The following IL13RA2 variants were observed in gnomAD, a reference collection of about 807,000 sequenced individuals.
The protein encoded by IL13RA2 is interleukin-13 receptor subunit alpha-2.
A neutral mutation model predicts 34.1 loss-of-function variants in IL13RA2; 25 were observed. The ratio of observed to expected loss-of-function variants is 0.73; its 90% CI spans 0.53 to 1.03. IL13RA2 has a LOEUF of 1.03. IL13RA2 is among the 50% of genes least tolerant of loss of function. The pLI is 0.00. For synonymous variants in IL13RA2, 106 were observed against 100.4 expected, an observed-to-expected ratio of 1.06 and a Z score of -0.33; for missense variants, 297 against 280.9, an observed-to-expected ratio of 1.06 and a Z score of -0.41.
At chrX:115,009,974 A>G (rs1556508514) in intron 6 of IL13RA2, among the ~76,000 whole-genome samples, 1 of 112,026 alleles carries the variant, frequency 8.9e-6, no homozygotes, top group Non-Finnish European at 1.9e-5. Context: ...AGAAATAACA[A>G]CCACAATCAA....
Position 115,007,961 on chromosome X carries a change from C to G in IL13RA2, c.968G>C (p.Ser323Thr), listed in dbSNP as rs1176275772. 8.8e-7 allele frequency: 1 copy of G among 1,135,184 alleles called. No individual in the cohort carries two copies. The highest frequency in any genetic ancestry group is 1.2e-6 in the Non-Finnish European group (1 of 827,592). 93.6% of individuals were successfully genotyped at this position (1,135,184 alleles called of 1,213,427 possible). ...CCAGCATTGTTTATCACTCCACTCA[C>G]TCCAAATTCCGTCATCTGAGCAATA... ...NIYCSDDGIWSEWSDKQCWEG... is the reference protein window; with the variant it reads ...NIYCSDDGIWTEWSDKQCWEG... The change falls in exon 8 of 10, where the codon AGT becomes ACT. Residue 323 changes from serine (S) to threonine (T), a missense_variant. Coordinates refer to ENST00000243213, the MANE Select transcript of IL13RA2 (RefSeq NM_000640.3).
intron 5 of IL13RA2, among the ~76,000 whole-genome samples, chrX:115,011,346 G>A (rs369571564): frequency 1.3e-4 from 15 of 111,716 alleles, no homozygotes; most frequent in South Asian, 3.7e-4. Context: ...CCAACTGTAG[G>A]AGGGCAAAAG....
chrX:115,004,324 G>A (rs1288881310), intron 9 of IL13RA2, among the ~76,000 whole-genome samples: 2 of 108,679 alleles, frequency 1.8e-5, no homozygotes, highest in African/African-American at 6.7e-5. Context: ...CACTTTGGGA[G>A]GCCAAAGTGG....
chrX:115,014,282 A>T, intron 4 of IL13RA2, 139 bp downstream of exon 4: 1 of 488,002 alleles, frequency 2.0e-6, no homozygotes. Flanking sequence ...CTAATCACCA[A>T]CTACAAGAAA....
chrX:115,007,045 A>G (rs2071687989), intron 8 of IL13RA2, among the ~76,000 whole-genome samples: 1 of 112,067 alleles, frequency 8.9e-6, no homozygotes, highest in African/African-American at 3.2e-5. Context: ...CCAATTGGAA[A>G]TAAAATGTAA....
intron 4 of IL13RA2, 79 bp downstream of exon 4, chrX:115,014,342 G>T: frequency 1.4e-6 from 1 of 723,263 alleles, no homozygotes; most frequent in South Asian, 3.3e-5. Flanking sequence ...CCTACAGCCT[G>T]GTACATAAGA....
intron 7 of IL13RA2, among the ~76,000 whole-genome samples, chrX:115,008,490 G>A (rs1369323801): frequency 3.6e-5 from 4 of 111,694 alleles, no homozygotes; most frequent in African/African-American, 1.3e-4. Flanking sequence ...GGAAACTATA[G>A]AGTTCACATA....
intron 8 of IL13RA2, among the ~76,000 whole-genome samples, chrX:115,006,235 C>T (rs1345680655): frequency 8.9e-6 from 1 of 112,213 alleles, no homozygotes; most frequent in Non-Finnish European, 1.9e-5. Flanking sequence ...TTTCCCCATA[C>T]AGAGTCAATC....
In IL13RA2 at chrX:115,008,792, C is replaced by T. The variant is rs782454900; in HGVS notation, c.853-716G>A. ...TATAATAGCTTTTCCTTTGGCATAA[C>T]TTATCTTAGGAATCAACATAATGTA... On this transcript the variant is annotated intron_variant, in intron 7 of 9. Transcript: ENST00000243213. Among the ~76,000 whole-genome samples, 39 of 111,900 alleles carry T rather than the reference C, an allele frequency of 3.5e-4. No individual in the cohort carries two copies. The East Asian group carries it at 8.7e-3, about 25-fold the overall frequency.
At chrX:115,016,194 G>A (rs17095930) in intron 2 of IL13RA2, among the ~76,000 whole-genome samples, 1,942 of 111,487 alleles carry the variant, frequency 0.017, 39 homozygotes, top group African/African-American at 0.06. Context: ...GCTGTTTTAC[G>A]GGTGATGCAA....
At position 115,014,488 on chromosome X, in the gene IL13RA2, C is replaced by T. The variant is rs782571891; in HGVS notation, c.333G>A (p.Trp111Ter). 8.4e-7 allele frequency: 1 copy of T among 1,190,556 alleles called. No individual in the cohort carries two copies. Among genetic ancestry groups the T allele is most frequent in the Non-Finnish European group, 1.1e-6 (1 of 879,864 alleles). The part of the protein sequence containing the change: ...IEAKIHTLLP[W>*]QCTNGSEVQS... Reference sequence around the variant, plus strand: ...GAACTTCTGATCCATTTGTGCATTGCCATGGTAAAAGCGTGTGTATCTTCG... The same window carrying T: ...GAACTTCTGATCCATTTGTGCATTGTCATGGTAAAAGCGTGTGTATCTTCG... The change falls in exon 4 of 10, where the codon TGG becomes TGA. Residue 111 changes from tryptophan to a stop codon, truncating the protein, a stop_gained. Coordinates refer to ENST00000243213, the MANE Select transcript of IL13RA2 (RefSeq NM_000640.3). LOFTEE classifies it high-confidence loss of function.
intron 3 of IL13RA2, 78 bp from the exon 4 acceptor site, chrX:115,014,652 A>C: frequency 1.5e-6 from 1 of 661,745 alleles, no homozygotes; most frequent in Non-Finnish European, 2.3e-6. Flanking sequence ...AAGACTAATA[A>C]ATCATTAATA....
Position 115,010,650 on chromosome X carries a change from T to C in IL13RA2, c.700A>G (p.Asn234Asp). The C allele has an allele frequency of 2.2e-6, 2 of 904,455 alleles. No individual in the cohort carries two copies. The highest frequency in any genetic ancestry group is 3.1e-6 in the Non-Finnish European group (2 of 643,752). 74.5% of individuals were successfully genotyped at this position (904,455 alleles called of 1,213,427 possible). A position where few individuals can be genotyped will look rare whatever the true frequency, so the allele number is the denominator to read the frequency against. The change falls in exon 6 of 10, where the codon AAT becomes GAT. Residue 234 changes from asparagine to aspartate, a missense_variant. By Grantham distance (23) the Asn-to-Asp change is conservative. Transcript: ENST00000243213. Reference sequence around the variant, plus strand: ...GTTTGTTGGTTTACATCACCTATATTTTGAAGCTGAAAAGTGAAATAACTG... The same window carrying C: ...GTTTGTTGGTTTACATCACCTATATCTTGAAGCTGAAAAGTGAAATAACTG... ...RSSYFTFQLQ[N>D]IVKPLPPVYL...
intron 3 of IL13RA2, among the ~76,000 whole-genome samples, chrX:115,014,945 T>C: frequency 9.0e-6 from 1 of 111,720 alleles, no homozygotes; most frequent in Non-Finnish European, 1.9e-5. Context: ...ATATGAAACC[T>C]TCAAGAAATA....
chrX:115,007,944 G>T lies in IL13RA2; in HGVS notation c.985C>A (p.Gln329Lys). 1 of 1,122,584 alleles carries T rather than the reference G, an allele frequency of 8.9e-7. No homozygotes were observed. The highest frequency in any genetic ancestry group is 1.2e-6 in the Non-Finnish European group (1 of 817,731). The allele number at this position is 1,122,584 out of a possible 1,213,427, so 92.5% of individuals were successfully genotyped here. A position where few individuals can be genotyped will look rare whatever the true frequency, so the allele number is the denominator to read the frequency against. ...TTTTAGCTCATACCTTCCCAGCATT[G>T]TTTATCACTCCACTCACTCCAAATT... is the stretch of plus-strand genomic sequence containing the variant. ...DGIWSEWSDK[Q>K]CWEGEDLSKK... is the part of the protein sequence containing the mutation. The change falls in exon 8 of 10, where the codon CAA becomes AAA. Residue 329 changes from glutamine to lysine, a missense_variant. By Grantham distance (53) the Gln-to-Lys change is moderately conservative. Transcript: ENST00000243213.
intron 3 of IL13RA2, among the ~76,000 whole-genome samples, chrX:115,015,261 T>G (rs17095057): frequency 0.015 from 1,693 of 111,453 alleles, 36 homozygotes; most frequent in African/African-American, 0.052. Flanking sequence ...ACCATAATCC[T>G]GCGACCCTCT....
chrX:115,017,411 T>C (rs2071732795), intron 1 of IL13RA2, 109 bp from the exon 2 acceptor site: 2 of 446,009 alleles, frequency 4.5e-6, no homozygotes, highest in Non-Finnish European at 7.8e-6. Context: ...TACCAAGAAC[T>C]GGGAAAACTG....
chrX:115,011,527 A>G (rs1485297108), intron 5 of IL13RA2, among the ~76,000 whole-genome samples: 2 of 112,362 alleles, frequency 1.8e-5, no homozygotes, highest in African/African-American at 6.5e-5. Flanking sequence ...TTTCCTAAAG[A>G]ATAGCTTGCA....
At chrX:115,005,514 C>T (rs1556507365) in intron 8 of IL13RA2, among the ~76,000 whole-genome samples, 199 bp from the exon 9 acceptor site, 5 of 112,417 alleles carry the variant, frequency 4.4e-5, no homozygotes, top group Non-Finnish European at 3.8e-5. Flanking sequence ...AAGTACTTTA[C>T]TGAACTGTGA....
Sources: allele counts gnomAD v4.1 joint callset (sites outside exome capture counted in the v4.1 genomes callset), GRCh38; gene constraint gnomAD v4.1.1; transcripts MANE v1.5; gene names NCBI Gene and HGNC (gene_info 2026-07-23, HGNC 2026-07-21).